Variants in NUBPL observed in about 807,000 individuals in gnomAD.
NUBPL encodes the protein NUBP iron-sulfur cluster assembly factor, mitochondrial.
In NUBPL, 31 loss-of-function variants were observed where a neutral mutation model predicts 45.7. The observed-to-expected ratio is 0.68, with a 90% confidence interval of 0.51 to 0.92. The LOEUF (loss-of-function observed/expected upper bound fraction) is 0.92. Ranked by LOEUF, NUBPL falls within the 40% of genes least tolerant of loss-of-function variation. The pLI, the probability that NUBPL is intolerant of heterozygous loss-of-function variation, is 0.00. For missense variants in NUBPL, 401 were observed against 398.7 expected, an observed-to-expected ratio of 1.01 and a Z score of -0.05; for synonymous variants, 144 against 140.9, an observed-to-expected ratio of 1.02 and a Z score of -0.15.
At chr14:31,573,621 T>G (rs2033645846) in intron 3 of NUBPL, among the ~76,000 whole-genome samples, 2 of 152,222 alleles carry the variant, frequency 1.3e-5, no homozygotes, top group African/African-American at 4.8e-5. Context: ...CAATTACCTG[T>G]TCCTGCTGCT....
chr14:31,602,252 G>C (rs906289600), intron 4 of NUBPL, among the ~76,000 whole-genome samples: 7 of 151,984 alleles, frequency 4.6e-5, no homozygotes, highest in Non-Finnish European at 7.4e-5. Flanking sequence ...GGTGGGAGGA[G>C]GGGGGAGGGA....
intron 3 of NUBPL, among the ~76,000 whole-genome samples, chr14:31,586,462 A>G (rs2033999572): frequency 6.6e-6 from 1 of 152,184 alleles, no homozygotes; most frequent in African/African-American, 2.4e-5. Flanking sequence ...AAATGACAAG[A>G]TATTTGGAAT....
At chr14:31,707,807 T>C (rs1041333335) in intron 6 of NUBPL, among the ~76,000 whole-genome samples, 1 of 152,248 alleles carries the variant, frequency 6.6e-6, no homozygotes, top group Non-Finnish European at 1.5e-5. Context: ...ACGAGGCTTC[T>C]GAACTGGTAG....
At chr14:31,846,432 G>A (rs1190998799) in intron 8 of NUBPL, 39 bp from the exon 9 acceptor site, 1 of 1,551,362 alleles carries the variant, frequency 6.4e-7, no homozygotes, top group East Asian at 2.3e-5. Flanking sequence ...TTAATATTTG[G>A]TTTAATTTTA....
intron 4 of NUBPL, among the ~76,000 whole-genome samples, chr14:31,645,657 G>T (rs1338334409): frequency 6.6e-6 from 1 of 151,808 alleles, no homozygotes; most frequent in Non-Finnish European, 1.5e-5. Context: ...AATGTGGTTA[G>T]TATGAGACTT....
chr14:31,608,264 A>T (rs1281817020), intron 4 of NUBPL, among the ~76,000 whole-genome samples: 4 of 152,188 alleles, frequency 2.6e-5, no homozygotes, highest in Admixed American at 1.3e-4. Context: ...CAGAAAGAAA[A>T]GGACATAGGC....
Position 31,620,933 on chromosome 14 carries a change from A to G in NUBPL, c.382+21554A>G, listed in dbSNP as rs886090944. Among the ~76,000 whole-genome samples the G allele has an allele frequency of 6.6e-5, 10 of 152,252 alleles. No individual in the cohort carries two copies. In the East Asian group the frequency reaches 1.7e-3, roughly 26 times the overall value. ...TCCCAGGGAGATGGGGGTTTTATCT[A>G]TAAGTCCCTGACTGGGGCTGCTGCC... On this transcript the variant is annotated intron_variant, in intron 4 of 10. Transcript: ENST00000281081.
At chr14:31,743,588 C>G (rs2038331917) in intron 6 of NUBPL, among the ~76,000 whole-genome samples, 1 of 152,112 alleles carries the variant, frequency 6.6e-6, no homozygotes, top group Non-Finnish European at 1.5e-5. Context: ...CCGTGTTGGC[C>G]AGGCTGGTCT....
At chr14:31,597,744 C>T (rs1285201484) in intron 3 of NUBPL, among the ~76,000 whole-genome samples, 1 of 151,952 alleles carries the variant, frequency 6.6e-6, no homozygotes, top group Non-Finnish European at 1.5e-5. Flanking sequence ...TATTATTTGG[C>T]AGTAGTTTTT....
At chr14:31,609,890 A>G (rs989153848) in intron 4 of NUBPL, among the ~76,000 whole-genome samples, 5 of 152,182 alleles carry the variant, frequency 3.3e-5, no homozygotes, top group Admixed American at 1.3e-4. Flanking sequence ...GAGATATAAC[A>G]TACCAAACCC....
intron 6 of NUBPL, among the ~76,000 whole-genome samples, chr14:31,786,639 T>A (rs1307068396): frequency 6.6e-6 from 1 of 152,176 alleles, no homozygotes; most frequent in African/African-American, 2.4e-5. Flanking sequence ...CAATACATAG[T>A]AGGTATTCAG....
chr14:31,562,076 C>A lies in NUBPL; in HGVS notation c.117C>A (p.Gly39=). 4 of 1,596,406 alleles carry A rather than the reference C, an allele frequency of 2.5e-6. No homozygotes were observed. Among genetic ancestry groups the A allele is most frequent in the East Asian group, 2.3e-5 (1 of 43,334 alleles). ...RAMVCGRQLS[G]AGSETLKQRR... Reference sequence around the variant, plus strand: ...ATTATTATTTTTTAAAGTTGTCTGGCGCCGGGAGTGAGACCCTAAAACAAA... The same window carrying A: ...ATTATTATTTTTTAAAGTTGTCTGGAGCCGGGAGTGAGACCCTAAAACAAA... Residue 39 remains glycine (G), a synonymous_variant, in exon 2 of 11, where the codon GGC becomes GGA. Transcript: ENST00000281081.
chr14:31,643,953 A>G (rs2035775553), intron 4 of NUBPL, among the ~76,000 whole-genome samples: 1 of 151,874 alleles, frequency 6.6e-6, no homozygotes, highest in South Asian at 2.1e-4. Flanking sequence ...ATAATTTTAA[A>G]TGATTCTTTG....
At chr14:31,577,166 C>G (rs2033738177) in intron 3 of NUBPL, among the ~76,000 whole-genome samples, 1 of 152,166 alleles carries the variant, frequency 6.6e-6, no homozygotes, top group Non-Finnish European at 1.5e-5. Flanking sequence ...TCTTTCATCT[C>G]TTTCATCTCA....
At chr14:31,707,824 G>T (rs2037488327) in intron 6 of NUBPL, among the ~76,000 whole-genome samples, 1 of 152,180 alleles carries the variant, frequency 6.6e-6, no homozygotes, top group African/African-American at 2.4e-5. Context: ...GTAGCCAAAA[G>T]TAAATCATCC....
intron 6 of NUBPL, among the ~76,000 whole-genome samples, chr14:31,700,989 A>G (rs929484979): frequency 2.0e-5 from 3 of 152,210 alleles, no homozygotes; most frequent in Non-Finnish European, 4.4e-5. Context: ...CACAGGATCC[A>G]CTAGACAAAG....
chr14:31,633,088 A>C (rs2035386853), intron 4 of NUBPL, among the ~76,000 whole-genome samples: 3 of 152,244 alleles, frequency 2.0e-5, no homozygotes, highest in African/African-American at 4.8e-5. Flanking sequence ...TCTGGTAATT[A>C]GCAACAAATT....
intron 4 of NUBPL, among the ~76,000 whole-genome samples, chr14:31,639,713 C>A (rs951858600): frequency 2.0e-5 from 3 of 152,194 alleles, no homozygotes; most frequent in Non-Finnish European, 4.4e-5. Flanking sequence ...AGGCAGGCCT[C>A]CTTGAGCTGT....
intron 6 of NUBPL, among the ~76,000 whole-genome samples, chr14:31,688,059 T>A (rs1043601857): frequency 2.0e-5 from 3 of 152,186 alleles, no homozygotes; most frequent in African/African-American, 4.8e-5. Context: ...ATTGCTATAG[T>A]AAAGCATGCC....
Sources: gnomAD v4.1 joint callset for allele counts (sites outside exome capture counted in the v4.1 genomes callset) on GRCh38, gnomAD v4.1.1 for gene constraint, MANE v1.5 for transcripts, NCBI Gene and HGNC (gene_info 2026-07-23, HGNC 2026-07-21) for gene names.